The following HSPG2 variants were observed in gnomAD, a reference collection of about 807,000 sequenced individuals.
HSPG2 encodes heparan sulfate proteoglycan 2, also known as basement membrane-specific heparan sulfate proteoglycan core protein.
A neutral mutation model predicts 526.6 loss-of-function variants in HSPG2; 278 were observed. The ratio of observed to expected loss-of-function variants is 0.53; its 90% CI spans 0.48 to 0.58. HSPG2 has a LOEUF of 0.58. HSPG2 is among the 20% of genes least tolerant of loss of function. The probability of loss-of-function intolerance (pLI) is 0.00; values close to 1 mark genes in which losing one functional copy is unlikely to be tolerated. For missense variants in HSPG2, 5,354 were observed against 6,099.5 expected (o/e 0.88, Z 4.07); for synonymous variants, 2,465 against 2,555.4 (o/e 0.96, Z 1.07).
chr1:21,856,222 G>C (rs1025092311), intron 44 of HSPG2, among the ~76,000 whole-genome samples: 5 of 152,188 alleles, frequency 3.3e-5, no homozygotes, highest in Non-Finnish European at 7.3e-5. Flanking sequence ...GGTCTCTGCT[G>C]TTCCTCAAAC....
intron 1 of HSPG2, among the ~76,000 whole-genome samples, chr1:21,930,757 G>T (rs1409491306): frequency 6.8e-6 from 1 of 147,890 alleles, no homozygotes; most frequent in South Asian, 2.1e-4. Context: ...CTGGGTAACA[G>T]ATCAAGACTC....
In HSPG2 at chr1:21,865,693, C is replaced by T; in HGVS notation, c.4314+24G>A. On this transcript the variant is annotated intron_variant, in intron 34 of 96. Transcript: ENST00000374695. The surrounding 1 kb of genome is among the most constrained non-coding windows in gnomAD (Gnocchi z 5.4). ...GCTTCCATCCTGCCCTTCTGCCCAC[C>T]CAGCATGGTGTCCAAATGCTCACCG... 1 of 1,588,374 alleles carries T rather than the reference C, an allele frequency of 6.3e-7. No individual in the cohort carries two copies. The highest frequency in any genetic ancestry group is 8.6e-7 in the Non-Finnish European group (1 of 1,157,066).
intron 30 of HSPG2, 68 bp downstream of exon 30, chr1:21,873,307 T>TTC: frequency 6.4e-7 from 1 of 1,562,286 alleles, no homozygotes; most frequent in Admixed American, 1.7e-5. Context: ...GAGTAAAGGC[T>TTC]TCTGTCCTAG....
chr1:21,858,143 AC>A lies in HSPG2; in HGVS notation c.5294-759del, dbSNP rs2152727748. Among the ~76,000 whole-genome samples, 1 of 151,752 alleles carries A rather than the reference AC, an allele frequency of 6.6e-6. No homozygotes were observed. Among genetic ancestry groups the A allele is most frequent in the South Asian group, 2.1e-4 (1 of 4,804 alleles). ...AGTTGTCCACACTCGCTGCCTTCCC[AC>A]CCATGTGTCGCCTCCTTCCAATCTG... On this transcript the variant is annotated intron_variant, in intron 42 of 96. Transcript: ENST00000374695. The surrounding 1 kb of genome is among the most constrained non-coding windows in gnomAD (Gnocchi z 4.2).
chr1:21,930,583 G>A (rs1644321732), intron 1 of HSPG2, among the ~76,000 whole-genome samples: 1 of 152,108 alleles, frequency 6.6e-6, no homozygotes, highest in Admixed American at 6.5e-5. Context: ...AGACCAACCT[G>A]GCCAACATGG....
At chr1:21,834,227 A>C (rs2098016995) in intron 77 of HSPG2, among the ~76,000 whole-genome samples, 1 of 152,194 alleles carries the variant, frequency 6.6e-6, no homozygotes, top group African/African-American at 2.4e-5. Flanking sequence ...CAGTATAGGT[A>C]AGGAAGTTTG....
chr1:21,900,360 G>T (rs1572407703), intron 1 of HSPG2, among the ~76,000 whole-genome samples: 1 of 152,290 alleles, frequency 6.6e-6, no homozygotes, highest in South Asian at 2.1e-4. Context: ...ACCCCCAGTG[G>T]GCAGGCATTC....
intron 1 of HSPG2, among the ~76,000 whole-genome samples, chr1:21,920,694 G>T (rs148386849): frequency 6.6e-6 from 1 of 152,072 alleles, no homozygotes; most frequent in Non-Finnish European, 1.5e-5. Flanking sequence ...CCTGCTCTCC[G>T]GGGCTCTCAA....
At position 21,890,213 on chromosome 1, in the gene HSPG2, C is replaced by T. The variant is rs892147889; in HGVS notation, c.414-72G>A. The T allele has an allele frequency of 2.7e-5, 43 of 1,568,816 alleles. No homozygotes were observed. The Middle Eastern group carries it at 1.4e-3, about 49-fold the overall frequency. On this transcript the variant is annotated intron_variant, in intron 5 of 96. Coordinates refer to ENST00000374695, the MANE Select transcript of HSPG2 (RefSeq NM_005529.7). This position sits in a 1 kb window ranked among gnomAD's most constrained non-coding sequence, Gnocchi z 4.1. ...GTTCTCAGCTCCTCCATGAGGCTCC[C>T]GCCCCGACGCTCAGGCCCTGTTCCG...
At chr1:21,883,994 G>A (rs566128112) in intron 13 of HSPG2, among the ~76,000 whole-genome samples, 13 of 152,360 alleles carry the variant, frequency 8.5e-5, no homozygotes, top group Non-Finnish European at 1.8e-4. Flanking sequence ...TCAGGCCAAG[G>A]AGATGCCAAA....
chr1:21,933,454 C>T (rs953734867), intron 1 of HSPG2, among the ~76,000 whole-genome samples: 2 of 152,082 alleles, frequency 1.3e-5, no homozygotes, highest in Non-Finnish European at 2.9e-5. Flanking sequence ...CTGAAGTACC[C>T]GTATTACTGT....
chr1:21,829,301 C>A, intron 87 of HSPG2, 82 bp downstream of exon 87: 1 of 1,476,360 alleles, frequency 6.8e-7, no homozygotes, highest in Non-Finnish European at 9.5e-7. Flanking sequence ...ATTTATCCTC[C>A]CATGCCTCCC....
rs372123002 is a variant in HSPG2 at position 21,859,554 on chromosome 1, G to A, written c.5293+12C>T. 48 of 1,567,790 alleles carry A rather than the reference G, an allele frequency of 3.1e-5. No individual in the cohort carries two copies. Among genetic ancestry groups the A allele is most frequent in the Admixed American group, 1.3e-4 (7 of 54,222 alleles). ...ACAGGCAGTCTTGGTTACAGGGGGC[G>A]TAGGGACTCACCAGTGACCAGCAGC... is the stretch of plus-strand genomic sequence containing the variant. On this transcript the variant is annotated intron_variant, in intron 42 of 96. Coordinates refer to ENST00000374695, the MANE Select transcript of HSPG2 (RefSeq NM_005529.7). The surrounding 1 kb of genome is among the most constrained non-coding windows in gnomAD (Gnocchi z 5.3).
Position 21,841,242 on chromosome 1 carries a change from C to T in HSPG2, c.9372G>A (p.Val3124=), listed in dbSNP as rs1477758969. The T allele has an allele frequency of 1.2e-6, 2 of 1,613,900 alleles. No homozygotes were observed. The highest frequency in any genetic ancestry group is 2.2e-5 in the South Asian group (2 of 91,088). ...VSVLPEGPVW[V]KVGKAVTLEC... is the part of the protein sequence containing the mutation. ...CCAGGGTGACAGCCTTTCCCACTTT[C>T]ACCCACACGGGGCCCTCGGGGAGCA... is the stretch of plus-strand genomic sequence containing the variant. Residue 3124 remains valine (V), a synonymous_variant, in exon 71 of 97, where the codon GTG becomes GTA. Coordinates refer to ENST00000374695, the MANE Select transcript of HSPG2 (RefSeq NM_005529.7).
Position 21,850,387 on chromosome 1 carries a change from T to C in HSPG2, c.7270A>G (p.Ile2424Val), listed in dbSNP as rs1296449184. The C allele has an allele frequency of 1.9e-6, 3 of 1,561,776 alleles. No individual in the cohort carries two copies. Among genetic ancestry groups the C allele is most frequent in the East Asian group, 2.4e-5 (1 of 41,556 alleles). ...VPLEASVLVT[I>V]EPAGSVPALG... ...CCAGGCACTGAGCCCGCAGGCTCAATGGTGACCAGGACAGAGGCCTCTAGA... is the reference window on the plus strand; with the variant it reads ...CCAGGCACTGAGCCCGCAGGCTCAACGGTGACCAGGACAGAGGCCTCTAGA... The change falls in exon 56 of 97, where the codon ATT becomes GTT. Residue 2424 changes from isoleucine to valine, a missense_variant. By Grantham distance (29) the Ile-to-Val change is conservative. Transcript: ENST00000374695.
chr1:21,901,709 C>T (rs907087570), intron 1 of HSPG2, among the ~76,000 whole-genome samples: 1 of 152,112 alleles, frequency 6.6e-6, no homozygotes, highest in Non-Finnish European at 1.5e-5. Context: ...AGGGCGGCTG[C>T]AGCTGCCCAG....
chr1:21,835,960 G>T (rs2098024765), intron 75 of HSPG2, among the ~76,000 whole-genome samples: 1 of 147,516 alleles, frequency 6.8e-6, no homozygotes, highest in Admixed American at 6.7e-5. Context: ...CTCCAGCGTG[G>T]GTGACAGAGT....
rs953690790 is a variant in HSPG2, at chr1:21,859,248, G to T, written c.5293+318C>A. Among the ~76,000 whole-genome samples the T allele has an allele frequency of 2.6e-5, 4 of 151,958 alleles. No individual in the cohort carries two copies. Among genetic ancestry groups the T allele is most frequent in the Non-Finnish European group, 2.9e-5 (2 of 67,980 alleles). On this transcript the variant is annotated intron_variant, in intron 42 of 96. Transcript: ENST00000374695. The surrounding 1 kb of genome is among the most constrained non-coding windows in gnomAD (Gnocchi z 5.3). Reference sequence around the variant, plus strand: ...ATTTGTACTAGAGACAGGGTTTTACGACGTTGGCCAGGCTGGTCTCGAACT... The same window carrying T: ...ATTTGTACTAGAGACAGGGTTTTACTACGTTGGCCAGGCTGGTCTCGAACT...
rs1015526685 is a variant in HSPG2 at position 21,872,036 on chromosome 1, G to T, written c.4221+150C>A. The T allele has an allele frequency of 3.1e-5, 23 of 751,152 alleles. No individual in the cohort carries two copies. The highest frequency in any genetic ancestry group is 3.8e-5 in the Non-Finnish European group (17 of 443,414). 46.5% of individuals were successfully genotyped at this position (751,152 alleles called of 1,614,324 possible). A position where few individuals can be genotyped will look rare whatever the true frequency, so the allele number is the denominator to read the frequency against. On this transcript the variant is annotated intron_variant, in intron 33 of 96. Coordinates refer to ENST00000374695, the MANE Select transcript of HSPG2 (RefSeq NM_005529.7). This position sits in a 1 kb window ranked among gnomAD's most constrained non-coding sequence, Gnocchi z 5.5. ...TCTGGCTGGCAAGCGGCAGAGCTGGGGTTCAGACCAATGTCTATGGGACTG... is the reference window on the plus strand; with the variant it reads ...TCTGGCTGGCAAGCGGCAGAGCTGGTGTTCAGACCAATGTCTATGGGACTG...
Sources: gnomAD v4.1 joint callset for allele counts (sites outside exome capture counted in the v4.1 genomes callset) on GRCh38, gnomAD v4.1.1 for gene constraint, Gnocchi (gnomAD v3.1) non-coding constraint, MANE v1.5 for transcripts, NCBI Gene and HGNC (gene_info 2026-07-23, HGNC 2026-07-21) for gene names.